The following ANTXRL variants were observed in gnomAD, a reference collection of about 807,000 sequenced individuals.
The protein encoded by ANTXRL is anthrax toxin receptor-like.
In ANTXRL, 63 loss-of-function variants were observed where a neutral mutation model predicts 75.4. The observed-to-expected ratio is 0.84, with a 90% CI of 0.68 to 1.03. The LOEUF (loss-of-function observed/expected upper bound fraction) is 1.03. ANTXRL is among the 50% of genes least tolerant of loss of function. ANTXRL has a pLI of 0.00. For missense variants in ANTXRL, 797 were observed against 789.4 expected (o/e 1.01, Z -0.12); for synonymous variants, 335 against 291.3 (o/e 1.15, Z -1.53).
At chr10:46,308,827 C>A (rs1357282888) in intron 12 of ANTXRL, among the ~76,000 whole-genome samples, 1 of 152,108 alleles carries the variant, frequency 6.6e-6, no homozygotes, top group East Asian at 1.9e-4. Flanking sequence ...TTTTGTGGTC[C>A]TCACAGAAGC....
At chr10:46,326,357 AT>A (rs1839211676) in intron 16 of ANTXRL, among the ~76,000 whole-genome samples, 1 of 152,040 alleles carries the variant, frequency 6.6e-6, no homozygotes, top group African/African-American at 2.4e-5. Context: ...TCCCACAAAA[AT>A]GAACGGAGGC....
chr10:46,295,279 T>C (rs1554958205), intron 3 of ANTXRL, among the ~76,000 whole-genome samples: 1 of 152,134 alleles, frequency 6.6e-6, no homozygotes, highest in Admixed American at 6.5e-5. Context: ...GCTGGTGGCT[T>C]AGCAGGATGA....
intron 13 of ANTXRL, 50 bp from the exon 14 acceptor site, chr10:46,310,411 A>G (rs1554963126): frequency 2.6e-6 from 4 of 1,524,176 alleles, no homozygotes; most frequent in East Asian, 2.4e-5. Context: ...GCCAAGGCAG[A>G]GCCCGCCCAC....
intron 3 of ANTXRL, 74 bp downstream of exon 3, chr10:46,293,974 T>C: frequency 2.1e-6 from 3 of 1,404,628 alleles, no homozygotes; most frequent in Non-Finnish European, 2.9e-6. Flanking sequence ...GCTGAAGGGC[T>C]CCCGGAGACC....
chr10:46,313,132 G>A lies in ANTXRL; in HGVS notation c.1330-104G>A. 10 of 1,032,698 alleles carry A rather than the reference G, an allele frequency of 9.7e-6. No homozygotes were observed. In the South Asian group the frequency reaches 1.4e-4, roughly 14 times the overall value. 64.0% of individuals were successfully genotyped at this position (1,032,698 alleles called of 1,614,324 possible). A position where few individuals can be genotyped will look rare whatever the true frequency, so the allele number is the denominator to read the frequency against. On this transcript the variant is annotated intron_variant, in intron 15 of 16. Coordinates refer to ENST00000620264, the MANE Select transcript of ANTXRL (RefSeq NM_001278688.3). Reference sequence around the variant, plus strand: ...CAGAGGGGGATGGGAGCTTTGTCTGGGTGTTTTCCTGGGCACAGAGCTGTG... The same window carrying A: ...CAGAGGGGGATGGGAGCTTTGTCTGAGTGTTTTCCTGGGCACAGAGCTGTG...
chr10:46,311,622 G>C lies in ANTXRL; in HGVS notation c.1286G>C (p.Cys429Ser). 1 of 1,350,728 alleles carries C rather than the reference G, an allele frequency of 7.4e-7. No individual in the cohort carries two copies. The allele number at this position is 1,350,728 out of a possible 1,614,324, so 83.7% of individuals were successfully genotyped here. A position where few individuals can be genotyped will look rare whatever the true frequency, so the allele number is the denominator to read the frequency against. Reference protein sequence around the residue: ...PVNTCPTVIICCCGCQGVGGM... With the variant: ...PVNTCPTVIISCCGCQGVGGM... The stretch of plus-strand genomic sequence containing the variant: ...AACACCTGCCCCACTGTGATTATTT[G>C]TTGCTGTGGATGCCAAGGAGTGGGC... The change falls in exon 15 of 17, where the codon TGT (cysteine) becomes TCT (serine). Residue 429 changes from cysteine to serine, a missense_variant. Cys to Ser is a moderately radical substitution (Grantham distance 112, BLOSUM62 -1). This residue lies in a region of ANTXRL where 479 missense variants were observed against 422.0 expected (regional missense o/e 1.14). Transcript: ENST00000620264.
chr10:46,304,580 TTTG>T (rs1314791516), intron 10 of ANTXRL, among the ~76,000 whole-genome samples: 4 of 152,204 alleles, frequency 2.6e-5, no homozygotes, highest in Non-Finnish European at 4.4e-5. Context: ...TTGTGATATT[TTTG>T]TTATCAGGCA....
chr10:46,290,814 G>A (rs1303161248), intron 1 of ANTXRL, among the ~76,000 whole-genome samples: 1 of 152,004 alleles, frequency 6.6e-6, no homozygotes, highest in African/African-American at 2.4e-5. Flanking sequence ...TGTTGTAGGA[G>A]TTCTTTGTAT....
chr10:46,292,350 T>C (rs1450579699), intron 2 of ANTXRL, among the ~76,000 whole-genome samples: 7 of 151,976 alleles, frequency 4.6e-5, no homozygotes, highest in African/African-American at 1.7e-4. Flanking sequence ...CCCAGACATA[T>C]TGCAGGGGAG....
rs1437863413 is a variant in ANTXRL at position 46,296,339 on chromosome 10, A to G, written c.508+87A>G. On this transcript the variant is annotated intron_variant, in intron 5 of 16. Transcript: ENST00000620264. ...GAGAGCTCTGTGTGCAGAATCTGCA[A>G]GGCCACACCTGCCCTGCCTCTTGGA... 2.9e-5 allele frequency: 41 copies of G among 1,406,568 alleles called. 1 individual carries two copies. The highest frequency in any genetic ancestry group is 4.0e-5 in the Non-Finnish European group (41 of 1,031,626). 87.1% of individuals were successfully genotyped at this position (1,406,568 alleles called of 1,614,324 possible). A position where few individuals can be genotyped will look rare whatever the true frequency, so the allele number is the denominator to read the frequency against.
chr10:46,293,373 TG>T (rs1837136947), intron 2 of ANTXRL, among the ~76,000 whole-genome samples: 2 of 141,600 alleles, frequency 1.4e-5, no homozygotes, highest in Admixed American at 7.1e-5. Flanking sequence ...TGAGTGTGCC[TG>T]TGTGTGAGTG....
chr10:46,306,743 T>A, intron 10 of ANTXRL, 60 bp from the exon 11 acceptor site: 1 of 1,389,078 alleles, frequency 7.2e-7, no homozygotes, highest in Non-Finnish European at 9.6e-7. Context: ...AGGACAGACA[T>A]GGGGAGGAAC....
At chr10:46,293,344 G>T (rs1837127022) in intron 2 of ANTXRL, among the ~76,000 whole-genome samples, 1 of 149,842 alleles carries the variant, frequency 6.7e-6, no homozygotes, top group Non-Finnish European at 1.5e-5. Flanking sequence ...GTGCGTGTGT[G>T]CGTGCATGTG....
Position 46,306,865 on chromosome 10 carries a change from C to A in ANTXRL, c.958C>A (p.Pro320Thr). The change falls in exon 11 of 17, where the codon CCT becomes ACT. Residue 320 changes from proline (P) to threonine (T), a missense_variant. By Grantham distance (38) the Pro-to-Thr change is conservative. Transcript: ENST00000620264. ...TTGCCCTGGGCCAAAACTAGAAAAA[C>A]CTGGAGAGTAAGTGCCCCTGGCAGG... ...MNCPGPKLEKPGEEYSIEVSL... is the reference protein window; with the variant it reads ...MNCPGPKLEKTGEEYSIEVSL... 1 of 1,529,344 alleles carries A rather than the reference C, an allele frequency of 6.5e-7. No homozygotes were observed. The allele number at this position is 1,529,344 out of a possible 1,614,324, so 94.7% of individuals were successfully genotyped here.
At position 46,329,688 on chromosome 10, in the gene ANTXRL, C is replaced by T. The variant is rs375627086; in HGVS notation, c.1500C>T (p.Cys500=). The T allele has an allele frequency of 1.3e-6, 2 of 1,536,256 alleles. No homozygotes were observed. The highest frequency in any genetic ancestry group is 8.7e-7 in the Non-Finnish European group (1 of 1,146,824). Residue 500 remains cysteine, a synonymous_variant, in exon 17 of 17, where the codon TGC becomes TGT. Coordinates refer to ENST00000620264, the MANE Select transcript of ANTXRL (RefSeq NM_001278688.3). ...TCTGCTTTCCACACAGCCAGGAGTG[C>T]CTTTCCCTACCACAGGCTCCCTGCA... The part of the protein sequence containing the change: ...PRICFPHSQE[C]LSLPQAPCSP...
chr10:46,310,154 G>A (rs1239132218), intron 13 of ANTXRL, among the ~76,000 whole-genome samples: 3 of 152,138 alleles, frequency 2.0e-5, no homozygotes, highest in Admixed American at 6.5e-5. Flanking sequence ...TCTTCTCCAT[G>A]TGGCTGTGGG....
chr10:46,329,326 C>T (rs1839375336), intron 16 of ANTXRL, among the ~76,000 whole-genome samples: 1 of 152,086 alleles, frequency 6.6e-6, no homozygotes, highest in African/African-American at 2.4e-5. Context: ...CAGGGGGAAG[C>T]AAACAATTTC....
intron 2 of ANTXRL, among the ~76,000 whole-genome samples, chr10:46,293,485 GGTGTTTGTGTGGTGTGTGCACCTGTGTGT>G: frequency 6.9e-6 from 1 of 144,972 alleles, no homozygotes; most frequent in African/African-American, 2.6e-5. Context: ...CATGTGTGTG[GGTGTTTGTGTGGTGTGTGCACCTGTGTGT>G]GTGTGTGCCT....
At chr10:46,314,491 A>G (rs1171449678) in intron 16 of ANTXRL, among the ~76,000 whole-genome samples, 1 of 151,994 alleles carries the variant, frequency 6.6e-6, no homozygotes, top group Non-Finnish European at 1.5e-5. Flanking sequence ...CAGGCACCTC[A>G]AGCAGAGGAA....
Sources: allele counts gnomAD v4.1 joint callset (sites outside exome capture counted in the v4.1 genomes callset), GRCh38; gene constraint gnomAD v4.1.1; regional missense constraint gnomAD v4.1.1; transcripts MANE v1.5; gene names NCBI Gene and HGNC (gene_info 2026-07-23, HGNC 2026-07-21).